SEMA4F: variants seen among roughly 807,000 people sequenced by gnomAD.
SEMA4F encodes semaphorin-4F.
SEMA4F carries 51 observed loss-of-function variants against 78.4 expected under a neutral mutation model. The ratio of observed to expected loss-of-function variants is 0.65; its 90% CI spans 0.52 to 0.82. SEMA4F has a LOEUF of 0.82. Ranked by LOEUF, SEMA4F falls within the 40% of genes least tolerant of loss-of-function variation. SEMA4F has a pLI of 0.00. For missense variants in SEMA4F, 938 were observed against 1,014.4 expected, an observed-to-expected ratio of 0.92 and a Z score of 1.02; for synonymous variants, 418 against 408.7, an observed-to-expected ratio of 1.02 and a Z score of -0.27.
intron 5 of SEMA4F, among the ~76,000 whole-genome samples, chr2:74,672,905 C>T (rs1685059359): frequency 6.6e-6 from 1 of 152,198 alleles, no homozygotes; most frequent in African/African-American, 2.4e-5. Context: ...GAGCCAAGCC[C>T]AGCTCTACTG....
chr2:74,672,634 A>G (rs1240520105), intron 5 of SEMA4F, among the ~76,000 whole-genome samples: 2 of 152,118 alleles, frequency 1.3e-5, no homozygotes, highest in African/African-American at 2.4e-5. Context: ...CAGAGTGGCT[A>G]CAGTTCTCTC....
intron 5 of SEMA4F, among the ~76,000 whole-genome samples, chr2:74,663,154 A>G (rs1375692477): frequency 6.6e-6 from 1 of 152,258 alleles, no homozygotes; most frequent in Non-Finnish European, 1.5e-5. Flanking sequence ...AAATTTGGAA[A>G]AAGTATAAAG....
At chr2:74,691,907 G>T in the SEMA4F span, among the ~76,000 whole-genome samples, 3 of 152,284 alleles carry the variant, frequency 2.0e-5, no homozygotes, top group African/African-American at 7.2e-5. Flanking sequence ...CATGCTGGAC[G>T]TATATATGGC....
At chr2:74,692,412 C>T in the SEMA4F span, among the ~76,000 whole-genome samples, 2 of 152,086 alleles carry the variant, frequency 1.3e-5, no homozygotes, top group African/African-American at 4.8e-5. Context: ...CCCAAGAGAC[C>T]GGGGATGAGG....
chr2:74,659,050 T>TA (rs1444685873), intron 4 of SEMA4F, among the ~76,000 whole-genome samples: 2 of 152,212 alleles, frequency 1.3e-5, no homozygotes, highest in Non-Finnish European at 2.9e-5. Flanking sequence ...GGGTTGGACT[T>TA]ATGTTAAGTC....
chr2:74,665,793 G>T (rs1175102892), intron 5 of SEMA4F, among the ~76,000 whole-genome samples: 1 of 151,732 alleles, frequency 6.6e-6, no homozygotes, highest in Non-Finnish European at 1.5e-5. Flanking sequence ...AGTTTTCGTG[G>T]TTGTGATATC....
chr2:74,707,051 A>G, the SEMA4F span, among the ~76,000 whole-genome samples: 12 of 150,388 alleles, frequency 8.0e-5, no homozygotes, highest in Admixed American at 7.3e-4. Flanking sequence ...TATGGGTTAT[A>G]TTTTAAAATA....
chr2:74,669,400 A>C (rs972431395), intron 5 of SEMA4F, among the ~76,000 whole-genome samples: 1 of 152,146 alleles, frequency 6.6e-6, no homozygotes, highest in Non-Finnish European at 1.5e-5. Context: ...CCTGGCCTAC[A>C]CAGTGAAACC....
At chr2:74,699,699 A>G in the SEMA4F span, among the ~76,000 whole-genome samples, 1 of 152,192 alleles carries the variant, frequency 6.6e-6, no homozygotes, top group East Asian at 1.9e-4. Flanking sequence ...TACAAGAGAC[A>G]TGGAGAAGGA....
chr2:74,696,680 A>C, the SEMA4F span, among the ~76,000 whole-genome samples: 2 of 152,168 alleles, frequency 1.3e-5, no homozygotes, highest in African/African-American at 4.8e-5. Context: ...TACTCATGTA[A>C]CCAAATACCA....
the SEMA4F span, among the ~76,000 whole-genome samples, chr2:74,704,218 G>T: frequency 6.6e-6 from 1 of 151,554 alleles, no homozygotes. Context: ...AGTGGACTGG[G>T]TATGGAGAGG....
chr2:74,684,265 T>G (rs1419696510), downstream of SEMA4F, among the ~76,000 whole-genome samples: 1 of 152,146 alleles, frequency 6.6e-6, no homozygotes, highest in Non-Finnish European at 1.5e-5. Context: ...CTACAAAGGT[T>G]TGTAATACAG....
chr2:74,657,921 C>G lies in SEMA4F; in HGVS notation c.426C>G (p.Thr142=). ...CCTCTCACCTCCTCACTTGTGGCAC[C>G]TTCGCTTTTGATCCGAAGTGCGGGG... ...ANASHLLTCG[T]FAFDPKCGVI... The change falls in exon 4 of 14, where the codon ACC becomes ACG. Residue 142 remains threonine (T), a synonymous_variant. Transcript: ENST00000357877. 6.2e-7 allele frequency: 1 copy of G among 1,614,238 alleles called. No individual in the cohort carries two copies. Among genetic ancestry groups the G allele is most frequent in the Non-Finnish European group, 8.5e-7 (1 of 1,180,028 alleles).
In SEMA4F at chr2:74,675,634, C is replaced by T. The variant is rs553566689; in HGVS notation, c.1482C>T (p.His494=). 94 of 1,613,534 alleles carry T rather than the reference C, an allele frequency of 5.8e-5. No individual in the cohort carries two copies. Among genetic ancestry groups the T allele is most frequent in the Middle Eastern group, 3.3e-4 (2 of 6,084 alleles). The change falls in exon 11 of 14, where the codon CAC becomes CAT. Residue 494 remains histidine (H), a splice_region_variant and synonymous_variant. Transcript: ENST00000357877. ...PQPVENMKLY[H]SWLLVGSRTE... Reference sequence around the variant, plus strand: ...CAGTTGAGAACATGAAATTGTACCACGTGAGTTGTAGATTTTGGAGAGTCT... The same window carrying T: ...CAGTTGAGAACATGAAATTGTACCATGTGAGTTGTAGATTTTGGAGAGTCT...
Position 74,680,154 on chromosome 2 carries a change from C to T in SEMA4F, c.2258C>T (p.Ala753Val). ...CTGCTTGATCCTTGCCCAAGCCCAG[C>T]CCACATTCGGCTAACTGGGGCTCCT... ...PFLLDPCPSPAHIRLTGAPLA... is the reference protein window; with the variant it reads ...PFLLDPCPSPVHIRLTGAPLA... Residue 753 changes from alanine (A) to valine (V), a missense_variant, in exon 14 of 14, where the codon GCC (alanine) becomes GTC (valine). Transcript: ENST00000357877. 6.2e-7 allele frequency: 1 copy of T among 1,601,730 alleles called. No individual in the cohort carries two copies.
At chr2:74,666,057 A>G (rs1347701635) in intron 5 of SEMA4F, among the ~76,000 whole-genome samples, 2 of 152,018 alleles carry the variant, frequency 1.3e-5, no homozygotes, top group East Asian at 3.9e-4. Context: ...ACAGGCGCCC[A>G]CCACCACTCC....
intron 7 of SEMA4F, 124 bp downstream of exon 7, chr2:74,673,952 T>A (rs918903449): frequency 8.4e-7 from 1 of 1,187,216 alleles, no homozygotes; most frequent in Admixed American, 2.3e-5. Context: ...CTGCCTTGAC[T>A]TCTCTTCTGG....
Position 74,675,374 on chromosome 2 carries a change from C to T in SEMA4F, c.1362C>T (p.Tyr454=). The change falls in exon 10 of 14, where the codon TAC becomes TAT. Residue 454 remains tyrosine (Y), a synonymous_variant. Coordinates refer to ENST00000357877, the MANE Select transcript of SEMA4F (RefSeq NM_004263.5). ...CAGGGAAAGAGTATGATGTGCTCTACCTGGGGACAGGTATATTTAATGGTC... is the reference window on the plus strand; with the variant it reads ...CAGGGAAAGAGTATGATGTGCTCTATCTGGGGACAGGTATATTTAATGGTC... The part of the protein sequence containing the change: ...SLSGKEYDVL[Y]LGTEDGHLHR... 1 of 1,613,290 alleles carries T rather than the reference C, an allele frequency of 6.2e-7. No individual in the cohort carries two copies. The highest frequency in any genetic ancestry group is 2.2e-5 in the East Asian group (1 of 44,852).
the SEMA4F span, among the ~76,000 whole-genome samples, chr2:74,690,741 A>T: frequency 1.3e-5 from 2 of 152,210 alleles, no homozygotes; most frequent in African/African-American, 4.8e-5. Context: ...TTCTGGGTCC[A>T]TTGCAGTATA....
Sources: allele counts gnomAD v4.1 joint callset (sites outside exome capture counted in the v4.1 genomes callset), GRCh38; gene constraint gnomAD v4.1.1; transcripts MANE v1.5; gene names NCBI Gene and HGNC (gene_info 2026-07-23, HGNC 2026-07-21).